The following AFF3 variants were observed in gnomAD, a reference collection of about 807,000 sequenced individuals.
AFF3 encodes the protein AF4/FMR2 family member 3.
A neutral mutation model predicts 129.7 loss-of-function variants in AFF3; 32 were observed. That is an observed-to-expected ratio of 0.25 (90% confidence interval 0.19 to 0.33). The LOEUF (loss-of-function observed/expected upper bound fraction) is 0.33. Among genes scored for constraint, AFF3 ranks in the 10% least tolerant of loss-of-function variants. The probability of loss-of-function intolerance (pLI) is 1.00; values close to 1 mark genes in which losing one functional copy is unlikely to be tolerated. For missense variants in AFF3, 1,373 were observed against 1,592.0 expected (o/e 0.86, Z 2.34); for synonymous variants, 644 against 635.4 (o/e 1.01, Z -0.20).
At chr2:100,013,082 T>G (rs962102361) in intron 4 of AFF3, among the ~76,000 whole-genome samples, 4 of 152,220 alleles carry the variant, frequency 2.6e-5, no homozygotes, top group Admixed American at 6.5e-5. Flanking sequence ...GGCCTATTTA[T>G]TTTTAGAATT....
At chr2:99,702,147 C>T (rs1419703588) in intron 11 of AFF3, among the ~76,000 whole-genome samples, 1 of 152,178 alleles carries the variant, frequency 6.6e-6, no homozygotes, top group Non-Finnish European at 1.5e-5. Flanking sequence ...AAGAGTGCAA[C>T]CGCTGGGTCC....
chr2:99,622,961 C>G (rs1405396026), intron 13 of AFF3, among the ~76,000 whole-genome samples: 1 of 152,086 alleles, frequency 6.6e-6, no homozygotes, highest in Non-Finnish European at 1.5e-5. Context: ...ACAAAGGTAG[C>G]CTTGCTTTTT....
At chr2:99,680,211 T>C (rs1194532962) in intron 11 of AFF3, among the ~76,000 whole-genome samples, 1 of 152,174 alleles carries the variant, frequency 6.6e-6, no homozygotes, top group Non-Finnish European at 1.5e-5. Flanking sequence ...GAGGGCTGGA[T>C]ATACTCTATC....
chr2:99,789,470 A>AG lies in AFF3; in HGVS notation c.922-37170dup, dbSNP rs11450579. 6.0e-5 allele frequency among the ~76,000 whole-genome samples: 9 copies of AG among 149,932 alleles called. No individual in the cohort carries two copies. In the East Asian group the frequency reaches 1.6e-3, roughly 26 times the overall value. ...CCAAAAAAAAAAAAAAAAAAAAAAA[A>AG]GTAGTTGAGGATTCAGGCCACTGGT... On this transcript the variant is annotated intron_variant, in intron 8 of 24. Transcript: ENST00000672756.
At chr2:99,639,133 A>T (rs1683949087) in intron 13 of AFF3, among the ~76,000 whole-genome samples, 1 of 152,094 alleles carries the variant, frequency 6.6e-6, no homozygotes, top group African/African-American at 2.4e-5. Flanking sequence ...TTATTTATTT[A>T]CTCAAAAGAC....
At chr2:100,136,187 G>A (rs1008862198) in intron 1 of AFF3, among the ~76,000 whole-genome samples, 2 of 152,234 alleles carry the variant, frequency 1.3e-5, no homozygotes, top group Non-Finnish European at 1.5e-5. Flanking sequence ...TGGGAAAGAA[G>A]TCAGGGCTGG....
At chr2:99,836,523 T>C (rs906111647) in intron 8 of AFF3, among the ~76,000 whole-genome samples, 1 of 152,166 alleles carries the variant, frequency 6.6e-6, no homozygotes, top group Non-Finnish European at 1.5e-5. Context: ...TTAGTTATTC[T>C]GGTCAACTTG....
Position 100,008,863 on chromosome 2 carries a change from C to T in AFF3, c.123G>A (p.Gln41=), listed in dbSNP as rs763213140. 6.2e-7 allele frequency: 1 copy of T among 1,614,084 alleles called. No homozygotes were observed. The highest frequency in any genetic ancestry group is 1.1e-5 in the South Asian group (1 of 91,030). ...AACTAGAATTAAACGTGCCATCATC[C>T]TGTTGAGTTTCTTGATTTCTTCTTT... ...ERERRNQETQ[Q]DDGTFNSSYS... Residue 41 remains glutamine, a synonymous_variant, in exon 5 of 25, where the codon CAG becomes CAA. Coordinates refer to ENST00000672756, the MANE Select transcript of AFF3 (RefSeq NM_001386135.1).
chr2:99,784,530 T>C (rs1684642801), intron 8 of AFF3, among the ~76,000 whole-genome samples: 1 of 152,222 alleles, frequency 6.6e-6, no homozygotes, highest in African/African-American at 2.4e-5. Context: ...CAAATAAAAG[T>C]GCACAGCTCA....
Position 99,593,795 on chromosome 2 carries a change from CG to C in AFF3, c.1865del (p.Pro622ArgfsTer24). ...CACAGGGCCTGGTTTTGGTGGGCTC[CG>C]GGGGGACCACCACGCTCGTCCCCAG... is the stretch of plus-strand genomic sequence containing the variant. Reference protein sequence around the residue: ...DALGTSVVVPPEPTKTRPCGN... With the variant: ...DALGTSVVVPXEPTKTRPCGN... On this transcript the variant is annotated frameshift_variant, in exon 15 of 25. Coordinates refer to ENST00000672756, the MANE Select transcript of AFF3 (RefSeq NM_001386135.1). LOFTEE classifies it high-confidence loss of function. 1.2e-6 allele frequency: 2 copies of C among 1,611,338 alleles called. No homozygotes were observed.
intron 11 of AFF3, among the ~76,000 whole-genome samples, chr2:99,702,153 G>A (rs1414846566): frequency 6.6e-6 from 1 of 152,064 alleles, no homozygotes; most frequent in Non-Finnish European, 1.5e-5. Context: ...GCAACCGCTG[G>A]GTCCATTTTC....
intron 7 of AFF3, among the ~76,000 whole-genome samples, chr2:99,993,255 T>C (rs1157936413): frequency 6.6e-6 from 1 of 152,196 alleles, no homozygotes; most frequent in Non-Finnish European, 1.5e-5. Flanking sequence ...TGCTTCTTTT[T>C]CTAAGGATTT....
chr2:99,707,320 T>A, intron 11 of AFF3: 1 of 984,446 alleles, frequency 1.0e-6, no homozygotes, highest in Non-Finnish European at 1.2e-6. Flanking sequence ...GAAAAAAAAA[T>A]CAATCTTGAA....
chr2:99,984,886 T>C (rs1427345149), intron 7 of AFF3, among the ~76,000 whole-genome samples: 1 of 151,402 alleles, frequency 6.6e-6, no homozygotes, highest in African/African-American at 2.4e-5. Context: ...TTTAGTCCAT[T>C]TGCACTGGCT....
chr2:99,740,175 G>T (rs898068639), intron 10 of AFF3, among the ~76,000 whole-genome samples: 10 of 151,106 alleles, frequency 6.6e-5, no homozygotes, highest in Middle Eastern at 3.4e-3. Context: ...GTATTCCATG[G>T]TGTATATGTG....
chr2:99,681,998 C>T (rs563989958), intron 11 of AFF3, among the ~76,000 whole-genome samples: 25 of 151,882 alleles, frequency 1.6e-4, no homozygotes, highest in South Asian at 1.0e-3. Flanking sequence ...CTCTGCCTCC[C>T]GGGTTCAAGC....
At chr2:100,002,977 G>A (rs9308832) in intron 7 of AFF3, among the ~76,000 whole-genome samples, 39,974 of 151,870 alleles carry the variant, frequency 0.26, 7,937 homozygotes, top group African/African-American at 0.55. Flanking sequence ...TTAGGCTAAT[G>A]TAACTTTTTT....
At chr2:100,024,836 T>C (rs13004302) in intron 4 of AFF3, among the ~76,000 whole-genome samples, 1 of 152,066 alleles carries the variant, frequency 6.6e-6, no homozygotes, top group Non-Finnish European at 1.5e-5. Flanking sequence ...TTATATAATC[T>C]CTTGTACATA....
At chr2:100,021,938 T>C (rs747717710) in intron 4 of AFF3, among the ~76,000 whole-genome samples, 4 of 152,220 alleles carry the variant, frequency 2.6e-5, no homozygotes, top group Non-Finnish European at 4.4e-5. Flanking sequence ...AAGTACCAGC[T>C]ACACAGGACA....
Sources: allele counts gnomAD v4.1 joint callset (sites outside exome capture counted in the v4.1 genomes callset), GRCh38; gene constraint gnomAD v4.1.1; transcripts MANE v1.5; gene names NCBI Gene and HGNC (gene_info 2026-07-23, HGNC 2026-07-21).